Variants in PABPC1L observed in about 807,000 individuals in gnomAD.
The protein encoded by PABPC1L is polyadenylate-binding protein 1-like.
Under a neutral mutation model 66.6 loss-of-function variants are expected in PABPC1L, and 31 were observed. That is an observed-to-expected ratio of 0.47 (90% CI 0.35 to 0.63). The LOEUF (loss-of-function observed/expected upper bound fraction) is 0.63, where lower values mean the gene tolerates loss of function less well. PABPC1L is among the 20% of genes least tolerant of loss of function. PABPC1L has a pLI of 0.00. For synonymous variants in PABPC1L, 348 were observed against 335.1 expected (o/e 1.04, Z -0.42); for missense variants, 722 against 848.8 (o/e 0.85, Z 1.86).
At chr20:44,936,095 C>T (rs1323941145) in intron 11 of PABPC1L, among the ~76,000 whole-genome samples, 1 of 151,954 alleles carries the variant, frequency 6.6e-6, no homozygotes, top group African/African-American at 2.4e-5. Flanking sequence ...ACCTCAGCCT[C>T]CAAGTACAGG....
rs769997301 is a variant in PABPC1L at position 44,932,165 on chromosome 20, G to A, written c.1240-177G>A. ...TAAGATCTTTGCCCTGCAGGATTCAGGGCTAATGGACATCCTGAGATGGGA... is the reference window on the plus strand; with the variant it reads ...TAAGATCTTTGCCCTGCAGGATTCAAGGCTAATGGACATCCTGAGATGGGA... On this transcript the variant is annotated intron_variant, in intron 8 of 14. Coordinates refer to ENST00000217073, the MANE Select transcript of PABPC1L (RefSeq NM_001372179.1). The A allele has an allele frequency of 1.3e-5, 6 of 467,562 alleles. No individual in the cohort carries two copies. The South Asian group carries it at 2.2e-4, about 17-fold the overall frequency. 29.0% of individuals were successfully genotyped at this position (467,562 alleles called of 1,614,324 possible). A position where few individuals can be genotyped will look rare whatever the true frequency, so the allele number is the denominator to read the frequency against.
Position 44,930,453 on chromosome 20 carries a change from C to G in PABPC1L, c.973-7C>G. On this transcript the variant is annotated splice_polypyrimidine_tract_variant and splice_region_variant and intron_variant, in intron 7 of 14. Transcript: ENST00000217073. ...CCCCAGCAGCTCTTGTCTTGTCTTG[C>G]TTTTAGGTGATGACAGAGGGTGGCC... 1 of 1,610,734 alleles carries G rather than the reference C, an allele frequency of 6.2e-7. No homozygotes were observed. The highest frequency in any genetic ancestry group is 8.5e-7 in the Non-Finnish European group (1 of 1,177,914).
At position 44,935,430 on chromosome 20, in the gene PABPC1L, G is replaced by A. The variant is rs1258935362; in HGVS notation, c.1499G>A (p.Gly500Glu). The A allele has an allele frequency of 1.2e-6, 2 of 1,614,156 alleles. No homozygotes were observed. Among genetic ancestry groups the A allele is most frequent in the Non-Finnish European group, 1.7e-6 (2 of 1,180,028 alleles). The change falls in exon 11 of 15, where the codon GGA becomes GAA. Residue 500 changes from glycine to glutamate, a missense_variant. Around this residue, in one of 3 missense-constraint regions of PABPC1L, gnomAD observed 301 missense variants for 337.2 expected, o/e 0.89. Transcript: ENST00000217073. ...CAGACCACAGGACCCAGTGGGGTAGGATGCTGTACACCAGGCCGGCCGCTC... is the reference window on the plus strand; with the variant it reads ...CAGACCACAGGACCCAGTGGGGTAGAATGCTGTACACCAGGCCGGCCGCTC... The part of the protein sequence containing the change: ...GTQTTGPSGV[G>E]CCTPGRPLLP...
In PABPC1L at chr20:44,917,855, G is replaced by A. The variant is rs530528829; in HGVS notation, c.503+984G>A. Among the ~76,000 whole-genome samples, 3 of 152,282 alleles carry A rather than the reference G, an allele frequency of 2.0e-5. No homozygotes were observed. The East Asian group carries it at 5.8e-4, about 29-fold the overall frequency. On this transcript the variant is annotated intron_variant, in intron 3 of 14. Coordinates refer to ENST00000217073, the MANE Select transcript of PABPC1L (RefSeq NM_001372179.1). ...CCCAGTTCTCAGAAGAATGCTCTTC[G>A]TTAGCTCCAATTTACTCAAGTTCAC...
chr20:44,911,196 G>A (rs921165427), intron 1 of PABPC1L, among the ~76,000 whole-genome samples: 1 of 152,068 alleles, frequency 6.6e-6, no homozygotes, highest in African/African-American at 2.4e-5. Context: ...AGGCGCAGTG[G>A]CTCACGCCTG....
In PABPC1L at chr20:44,912,676, C is replaced by T. The variant is rs1420794034; in HGVS notation, c.210C>T (p.Asp70=). The change falls in exon 2 of 15, where the codon GAC becomes GAT. Residue 70 remains aspartate (D), a synonymous_variant. Transcript: ENST00000217073. The part of the protein sequence containing the change: ...QQPADAERAL[D]TMNFEMLKGQ... Reference sequence around the variant, plus strand: ...TCTGTCCAGCGGAGCGGGCACTGGACACAATGAACTTTGAGATGCTCAAAG... The same window carrying T: ...TCTGTCCAGCGGAGCGGGCACTGGATACAATGAACTTTGAGATGCTCAAAG... 2 of 1,613,310 alleles carry T rather than the reference C, an allele frequency of 1.2e-6. No homozygotes were observed. The highest frequency in any genetic ancestry group is 1.7e-6 in the Non-Finnish European group (2 of 1,179,458).
At position 44,911,295 on chromosome 20, in the gene PABPC1L, C is replaced by A. The variant is rs988197472; in HGVS notation, c.193+959C>A. Among the ~76,000 whole-genome samples the A allele has an allele frequency of 5.9e-5, 9 of 152,054 alleles. No homozygotes were observed. In the South Asian group the frequency reaches 6.2e-4, roughly 11 times the overall value. ...CCTGGCCAACATAGCGAAACCCTTT[C>A]TCTACTAAAAATACAAAAAATAGCT... On this transcript the variant is annotated intron_variant, in intron 1 of 14. Coordinates refer to ENST00000217073, the MANE Select transcript of PABPC1L (RefSeq NM_001372179.1).
chr20:44,918,739 G>T (rs1470245181), intron 3 of PABPC1L, among the ~76,000 whole-genome samples, 167 bp from the exon 4 acceptor site: 3 of 152,230 alleles, frequency 2.0e-5, no homozygotes, highest in Admixed American at 1.3e-4. Flanking sequence ...CTTGGCTATT[G>T]GAGGTAGCCG....
At position 44,910,095 on chromosome 20, in the gene PABPC1L, T is replaced by A; in HGVS notation, c.-49T>A. ...TCCGCCCGGGTGAGCGCGGGGCTGCTGGGTGACCCGGCTCCTGCTTGCCCC... is the reference window on the plus strand; with the variant it reads ...TCCGCCCGGGTGAGCGCGGGGCTGCAGGGTGACCCGGCTCCTGCTTGCCCC... On this transcript the variant is annotated 5_prime_UTR_variant, in exon 1 of 15. Transcript: ENST00000217073. 1 of 1,486,102 alleles carries A rather than the reference T, an allele frequency of 6.7e-7. No individual in the cohort carries two copies. Among genetic ancestry groups the A allele is most frequent in the Non-Finnish European group, 9.1e-7 (1 of 1,102,344 alleles). 92.1% of individuals were successfully genotyped at this position (1,486,102 alleles called of 1,614,324 possible). A position where few individuals can be genotyped will look rare whatever the true frequency, so the allele number is the denominator to read the frequency against.
chr20:44,937,138 A>T, intron 12 of PABPC1L: 2 of 377,102 alleles, frequency 5.3e-6, no homozygotes, highest in Non-Finnish European at 1.0e-5. Context: ...CCAGTGCTCA[A>T]TGCGGGCAGG....
At chr20:44,927,351 ATTT>A (rs1044185993) in intron 7 of PABPC1L, among the ~76,000 whole-genome samples, 1,808 of 139,052 alleles carry the variant, frequency 0.013, 33 homozygotes, top group African/African-American at 0.042. Context: ...ATATATATAT[ATTT>A]TTTTTTTTTT....
intron 7 of PABPC1L, among the ~76,000 whole-genome samples, chr20:44,929,898 G>C (rs770947043): frequency 1.3e-5 from 2 of 151,956 alleles, no homozygotes; most frequent in Admixed American, 6.6e-5. Context: ...TAACAAAAAG[G>C]CTAAGAACCT....
At chr20:44,928,893 A>G (rs1219679580) in intron 7 of PABPC1L, among the ~76,000 whole-genome samples, 1 of 151,172 alleles carries the variant, frequency 6.6e-6, no homozygotes, top group African/African-American at 2.4e-5. Flanking sequence ...AAAGAAAAAA[A>G]AAAAGGAAAA....
Position 44,938,287 on chromosome 20 carries a change from C to T in PABPC1L, c.1791+96C>T, listed in dbSNP as rs573515255. The T allele has an allele frequency of 6.2e-6, 9 of 1,460,424 alleles. No individual in the cohort carries two copies. In the African/African-American group the frequency reaches 1.1e-4, roughly 18 times the overall value. 90.5% of individuals were successfully genotyped at this position (1,460,424 alleles called of 1,614,324 possible). A position where few individuals can be genotyped will look rare whatever the true frequency, so the allele number is the denominator to read the frequency against. ...TGGAGCCAGTGGATAGCTGTTTGGCCAGATAAAGTGTTTCTTCTTGCTAAT... is the reference window on the plus strand; with the variant it reads ...TGGAGCCAGTGGATAGCTGTTTGGCTAGATAAAGTGTTTCTTCTTGCTAAT... On this transcript the variant is annotated intron_variant, in intron 13 of 14. Coordinates refer to ENST00000217073, the MANE Select transcript of PABPC1L (RefSeq NM_001372179.1).
At chr20:44,937,021 G>A in intron 12 of PABPC1L, 2 of 548,196 alleles carry the variant, frequency 3.6e-6, no homozygotes, top group South Asian at 3.1e-5. Context: ...GACAAAGGGA[G>A]GAGTAGGGGT....
intron 12 of PABPC1L, 187 bp from the exon 13 acceptor site, chr20:44,937,874 C>T (rs542336594): frequency 2.3e-5 from 18 of 771,200 alleles, no homozygotes; most frequent in Non-Finnish European, 3.0e-5. Context: ...ATGGGCTGAC[C>T]ACCAATACCA....
At chr20:44,913,806 C>A (rs942859952) in intron 2 of PABPC1L, among the ~76,000 whole-genome samples, 1 of 152,046 alleles carries the variant, frequency 6.6e-6, no homozygotes, top group Non-Finnish European at 1.5e-5. Flanking sequence ...ACAGGAAGGC[C>A]ATTAATTGGG....
intron 1 of PABPC1L, among the ~76,000 whole-genome samples, chr20:44,912,277 A>G (rs2066710323): frequency 6.6e-6 from 1 of 152,098 alleles, no homozygotes; most frequent in Non-Finnish European, 1.5e-5. Flanking sequence ...CCCTTGTCAT[A>G]TGGACATTGT....
At position 44,912,824 on chromosome 20, in the gene PABPC1L, T is replaced by C; in HGVS notation, c.358T>C (p.Ser120Pro). 1 of 1,614,130 alleles carries C rather than the reference T, an allele frequency of 6.2e-7. No homozygotes were observed. The highest frequency in any genetic ancestry group is 8.5e-7 in the Non-Finnish European group (1 of 1,179,990). ...CAACAAGGCTTTATATGATACCTTC[T>C]CCACCTTTGGGAACATCCTCTCTTG... ...IDNKALYDTF[S>P]TFGNILSCKV... Residue 120 changes from serine (S) to proline (P), a missense_variant, in exon 2 of 15, where the codon TCC becomes CCC. Physicochemically the swap from Ser to Pro is moderately conservative, Grantham distance 74. Around this residue, in one of 3 missense-constraint regions of PABPC1L, gnomAD observed 284 missense variants for 294.8 expected, o/e 0.96. Transcript: ENST00000217073.
Sources: allele counts gnomAD v4.1 joint callset (sites outside exome capture counted in the v4.1 genomes callset), GRCh38; gene constraint gnomAD v4.1.1; regional missense constraint gnomAD v4.1.1; transcripts MANE v1.5; gene names NCBI Gene and HGNC (gene_info 2026-07-23, HGNC 2026-07-21).